Variants in NLRP11 observed in about 807,000 individuals in gnomAD.
NLRP11 encodes the protein NLR family pyrin domain containing 11.
NLRP11 carries 53 observed loss-of-function variants against 79.3 expected under a neutral mutation model. The observed-to-expected ratio is 0.67, with a 90% CI of 0.54 to 0.84. NLRP11 has a LOEUF of 0.84. Among genes scored for constraint, NLRP11 ranks in the 40% least tolerant of loss-of-function variants. The pLI is 0.00. For synonymous variants in NLRP11, 518 were observed against 462.6 expected (o/e 1.12, Z -1.54); for missense variants, 1,264 against 1,255.0 (o/e 1.01, Z -0.11).
chr19:55,808,487 G>T (rs1432568428), intron 3 of NLRP11, among the ~76,000 whole-genome samples: 1 of 152,130 alleles, frequency 6.6e-6, no homozygotes, highest in Non-Finnish European at 1.5e-5. Flanking sequence ...GACCCTACTG[G>T]CCACAGGAGA....
intron 2 of NLRP11, among the ~76,000 whole-genome samples, chr19:55,811,874 C>T (rs1231370714): frequency 6.6e-6 from 1 of 151,838 alleles, no homozygotes; most frequent in African/African-American, 2.4e-5. Context: ...GATATTAGTT[C>T]CGTATCATAC....
intron 1 of NLRP11, among the ~76,000 whole-genome samples, chr19:55,819,160 C>G (rs1337477456): frequency 2.7e-5 from 4 of 149,132 alleles, no homozygotes; most frequent in African/African-American, 7.5e-5. Context: ...CACACACACA[C>G]ACACACACAC....
intron 5 of NLRP11, among the ~76,000 whole-genome samples, chr19:55,797,999 ATTT>A (rs376926915): frequency 1.4e-5 from 2 of 139,930 alleles, no homozygotes; most frequent in African/African-American, 5.8e-5. Flanking sequence ...TATTATTATT[ATTT>A]TTTTTTTTTT....
intron 1 of NLRP11, among the ~76,000 whole-genome samples, chr19:55,821,674 A>C (rs35010559): frequency 0.07 from 10,243 of 145,456 alleles, 403 homozygotes; most frequent in Admixed American, 0.11. Flanking sequence ...GAACCCATTA[A>C]CATTGTTAGT....
intron 6 of NLRP11, among the ~76,000 whole-genome samples, chr19:55,794,427 G>A (rs371558261): frequency 3.9e-5 from 6 of 152,140 alleles, no homozygotes; most frequent in African/African-American, 1.4e-4. Context: ...TTACTTACTG[G>A]ATTTATCTGG....
chr19:55,813,742 G>C (rs75589664), intron 2 of NLRP11, among the ~76,000 whole-genome samples: 2,440 of 152,176 alleles, frequency 0.016, 74 homozygotes, highest in African/African-American at 0.054. Context: ...AGGGCCCTGG[G>C]CAGAGGAGGA....
intron 4 of NLRP11, among the ~76,000 whole-genome samples, chr19:55,801,962 TC>T (rs1008545304): frequency 6.6e-5 from 10 of 152,306 alleles, no homozygotes; most frequent in African/African-American, 2.4e-4. Flanking sequence ...TATGGTGTGT[TC>T]ACCTCATGAC....
At chr19:55,823,377 C>T (rs2122906387) in intron 1 of NLRP11, among the ~76,000 whole-genome samples, 1 of 136,702 alleles carries the variant, frequency 7.3e-6, no homozygotes, top group African/African-American at 3.0e-5. Context: ...CAAAGGAACG[C>T]AGTTCCTCCC....
chr19:55,800,825 A>G (rs531142410), intron 5 of NLRP11, among the ~76,000 whole-genome samples: 1 of 152,298 alleles, frequency 6.6e-6, no homozygotes, highest in African/African-American at 2.4e-5. Context: ...AATCACATCA[A>G]TAGCTTTTTG....
At position 55,789,561 on chromosome 19, in the gene NLRP11, C is replaced by G. The variant is rs1014769115; in HGVS notation, c.2514-162G>C. Among the ~76,000 whole-genome samples the G allele has an allele frequency of 3.9e-5, 6 of 152,196 alleles. 1 individual carries two copies. The highest frequency in any genetic ancestry group is 4.1e-4 in the South Asian group (2 of 4,828). ...ACATCTACAGGTCACTTACAACATACCAGGCATTGTTCAAAACTCCTAATG... is the reference window on the plus strand; with the variant it reads ...ACATCTACAGGTCACTTACAACATAGCAGGCATTGTTCAAAACTCCTAATG... On this transcript the variant is annotated intron_variant, in intron 7 of 9. Coordinates refer to ENST00000589093, the Ensembl canonical transcript of NLRP11.
At chr19:55,806,770 T>C (rs532401853) in intron 4 of NLRP11, among the ~76,000 whole-genome samples, 37 of 152,130 alleles carry the variant, frequency 2.4e-4, no homozygotes, top group Non-Finnish European at 4.6e-4. Context: ...ATGCCATACA[T>C]ACTTGTGAGC....
At chr19:55,788,039 T>C (rs986971491) in intron 9 of NLRP11, among the ~76,000 whole-genome samples, 1 of 152,178 alleles carries the variant, frequency 6.6e-6, no homozygotes, top group South Asian at 2.1e-4. Context: ...GACACTCACA[T>C]AGACTGTAAG....
intron 3 of NLRP11, 74 bp from the exon 4 acceptor site, chr19:55,808,088 A>C (rs1417390473): frequency 9.4e-7 from 1 of 1,066,582 alleles, no homozygotes; most frequent in East Asian, 2.4e-5. Context: ...TGTAAATTAA[A>C]GTATGTTTTG....
intron 6 of NLRP11, 127 bp from the exon 7 acceptor site, chr19:55,792,598 T>C: frequency 1.5e-6 from 1 of 657,058 alleles, no homozygotes; most frequent in South Asian, 1.8e-5. Flanking sequence ...TCTCTACCAA[T>C]GACTTTCTTA....
chr19:55,814,489 A>T (rs1477059252), intron 2 of NLRP11, among the ~76,000 whole-genome samples: 1 of 152,170 alleles, frequency 6.6e-6, no homozygotes, highest in African/African-American at 2.4e-5. Flanking sequence ...GCTTTACACT[A>T]TACCAGGACA....
intron 2 of NLRP11, among the ~76,000 whole-genome samples, chr19:55,812,436 A>G (rs2122839313): frequency 6.6e-6 from 1 of 152,350 alleles, no homozygotes; most frequent in East Asian, 1.9e-4. Flanking sequence ...CTGTGATACA[A>G]TATCAAAGGA....
intron 4 of NLRP11, among the ~76,000 whole-genome samples, chr19:55,805,212 T>C (rs1979872160): frequency 6.6e-6 from 1 of 152,084 alleles, no homozygotes; most frequent in Non-Finnish European, 1.5e-5. Context: ...GCAACAGCTT[T>C]GGTCATTGTC....
At chr19:55,785,436 A>G (rs1989800960) in exon 10 of NLRP11, 2 of 559,378 alleles carry the variant, frequency 3.6e-6, no homozygotes, top group Admixed American at 7.1e-5. Flanking sequence ...ACTTCATATA[A>G]TCCTTTTAAT....
rs574688205 is a variant in NLRP11 at position 55,811,998 on chromosome 19, C to T, written c.272-1660G>A. Among the ~76,000 whole-genome samples, 110 of 148,584 alleles carry T rather than the reference C, an allele frequency of 7.4e-4. No homozygotes were observed. In the South Asian group the frequency reaches 0.012, roughly 16 times the overall value. On this transcript the variant is annotated intron_variant, in intron 2 of 9. Coordinates refer to ENST00000589093, the Ensembl canonical transcript of NLRP11. ...ACACACACACACACACACACACACA[C>T]GTAAGAGAATAAATATGTGAGATAA...
Sources: allele counts gnomAD v4.1 joint callset (sites outside exome capture counted in the v4.1 genomes callset), GRCh38; gene constraint gnomAD v4.1.1; transcripts MANE v1.5; gene names NCBI Gene and HGNC (gene_info 2026-07-23, HGNC 2026-07-21).